KCNMA1: variants seen among roughly 807,000 people sequenced by gnomAD.
KCNMA1 encodes the protein Calcium-activated potassium channel subunit alpha-1.
KCNMA1 carries 29 observed loss-of-function variants against 140.0 expected under a neutral mutation model. That is an observed-to-expected ratio of 0.21 (90% CI 0.15 to 0.28). The LOEUF is 0.28. Ranked by LOEUF, KCNMA1 falls within the 10% of genes least tolerant of loss-of-function variation. The pLI, the probability that KCNMA1 is intolerant of heterozygous loss-of-function variation, is 1.00. For missense variants in KCNMA1, 880 were observed against 1,602.2 expected, an observed-to-expected ratio of 0.55 and a Z score of 7.70; for synonymous variants, 612 against 611.9, an observed-to-expected ratio of 1.00 and a Z score of 0.00.
In KCNMA1 at chr10:77,404,037, G is replaced by C; in HGVS notation, c.379-14C>G. On this transcript the variant is annotated splice_polypyrimidine_tract_variant and intron_variant, in intron 1 of 27. Transcript: ENST00000286628. ...CTTCTGGGCCTCCTGGCAACAGAGAGAGCAAGAGTTAAGACATAGGGAACA... is the reference window on the plus strand; with the variant it reads ...CTTCTGGGCCTCCTGGCAACAGAGACAGCAAGAGTTAAGACATAGGGAACA... 2 of 1,613,618 alleles carry C rather than the reference G, an allele frequency of 1.2e-6. No individual in the cohort carries two copies. Among genetic ancestry groups the C allele is most frequent in the Non-Finnish European group, 1.7e-6 (2 of 1,179,706 alleles).
chr10:77,556,736 C>T (rs893089853), intron 1 of KCNMA1, among the ~76,000 whole-genome samples: 4 of 152,102 alleles, frequency 2.6e-5, no homozygotes, highest in African/African-American at 9.7e-5. Context: ...CAACCAAGTG[C>T]CTGATGCCCA....
At chr10:77,618,740 G>A (rs2090401500) in intron 1 of KCNMA1, among the ~76,000 whole-genome samples, 1 of 152,192 alleles carries the variant, frequency 6.6e-6, no homozygotes, top group South Asian at 2.1e-4. Flanking sequence ...TATGTTCTGT[G>A]ACATCACACT....
At chr10:77,621,796 G>GT (rs1452929249) in intron 1 of KCNMA1, among the ~76,000 whole-genome samples, 1 of 152,144 alleles carries the variant, frequency 6.6e-6, no homozygotes, top group Non-Finnish European at 1.5e-5. Context: ...AGGCATGATG[G>GT]TGCATGCCTG....
chr10:77,247,894 T>G (rs1165301672), intron 3 of KCNMA1, among the ~76,000 whole-genome samples: 1 of 152,118 alleles, frequency 6.6e-6, no homozygotes, highest in Non-Finnish European at 1.5e-5. Flanking sequence ...TTCCAGGAGC[T>G]CTGAGGACAA....
At chr10:77,405,619 A>T (rs1355007584) in intron 1 of KCNMA1, among the ~76,000 whole-genome samples, 3 of 152,192 alleles carry the variant, frequency 2.0e-5, no homozygotes, top group Admixed American at 6.5e-5. Flanking sequence ...AACAATGTAC[A>T]TTTAACTGGA....
chr10:77,411,657 T>C (rs1485467383), intron 1 of KCNMA1, among the ~76,000 whole-genome samples: 1 of 152,016 alleles, frequency 6.6e-6, no homozygotes, highest in African/African-American at 2.4e-5. Context: ...CCACGAAAGG[T>C]TTATTAACAT....
At chr10:77,368,762 T>C (rs368355346) in intron 2 of KCNMA1, among the ~76,000 whole-genome samples, 1 of 152,254 alleles carries the variant, frequency 6.6e-6, no homozygotes, top group Admixed American at 6.5e-5. Flanking sequence ...TGCCCTTGGA[T>C]GTCCAATTGT....
At position 77,403,988 on chromosome 10, in the gene KCNMA1, C is replaced by T. The variant is rs61736948; in HGVS notation, c.414G>A (p.Ala138=). The T allele has an allele frequency of 6.6e-5, 107 of 1,614,148 alleles. 1 individual carries two copies. The African/African-American group carries it at 7.2e-4, about 11-fold the overall frequency. ...AQKINNGSSQ[A]DGTLKPVDEK... ...CATCCACTGGTTTGAGAGTGCCATC[C>T]GCCTGGCTTGAGCCATTGTTAATCT... Residue 138 remains alanine, a synonymous_variant, in exon 2 of 28, where the codon GCG becomes GCA. Coordinates refer to ENST00000286628, the MANE Select transcript of KCNMA1 (RefSeq NM_001161352.2).
downstream of KCNMA1, among the ~76,000 whole-genome samples, chr10:76,880,678 A>C (rs563526906): frequency 6.6e-6 from 1 of 152,366 alleles, no homozygotes; most frequent in East Asian, 1.9e-4. Flanking sequence ...TGATGTATTG[A>C]ATCTTGCCTT....
At chr10:77,309,186 A>C (rs2078614821) in intron 2 of KCNMA1, among the ~76,000 whole-genome samples, 1 of 152,162 alleles carries the variant, frequency 6.6e-6, no homozygotes. Context: ...CTTAAGAAGA[A>C]TTTTTCCATG....
chr10:77,540,919 C>A (rs1052640301), intron 1 of KCNMA1, among the ~76,000 whole-genome samples: 1 of 151,788 alleles, frequency 6.6e-6, no homozygotes, highest in African/African-American at 2.4e-5. Flanking sequence ...GCAGGAGAAT[C>A]GCTTGAACCC....
chr10:77,405,001 C>T (rs980550412), intron 1 of KCNMA1, among the ~76,000 whole-genome samples: 2 of 152,222 alleles, frequency 1.3e-5, no homozygotes, highest in African/African-American at 4.8e-5. Flanking sequence ...GAAATCTACA[C>T]CAGACCTTTC....
chr10:77,101,238 A>G (rs1418523722), intron 9 of KCNMA1, among the ~76,000 whole-genome samples: 2 of 152,142 alleles, frequency 1.3e-5, no homozygotes, highest in African/African-American at 4.8e-5. Context: ...ATGGCATCTA[A>G]TGACAAGCGC....
At chr10:77,021,807 G>A (rs551308803) in intron 16 of KCNMA1, among the ~76,000 whole-genome samples, 1 of 152,298 alleles carries the variant, frequency 6.6e-6, no homozygotes, top group South Asian at 2.1e-4. Flanking sequence ...TAAGGCTAAG[G>A]CAGCCTTCTG....
At chr10:77,567,066 G>T (rs944960263) in intron 1 of KCNMA1, among the ~76,000 whole-genome samples, 1 of 152,124 alleles carries the variant, frequency 6.6e-6, no homozygotes, top group Non-Finnish European at 1.5e-5. Flanking sequence ...CTCAGGCCCT[G>T]GGGGAGCCCT....
intron 15 of KCNMA1, among the ~76,000 whole-genome samples, chr10:77,028,639 A>C (rs2093678789): frequency 6.6e-6 from 1 of 152,042 alleles, no homozygotes; most frequent in Non-Finnish European, 1.5e-5. Flanking sequence ...CTCTCCCAGC[A>C]CCTTGTCTGT....
chr10:77,172,936 C>T (rs189026314), intron 5 of KCNMA1, among the ~76,000 whole-genome samples: 36 of 152,142 alleles, frequency 2.4e-4, no homozygotes, highest in African/African-American at 8.2e-4. Flanking sequence ...AAACAGCCTC[C>T]CAAGGGCTTC....
intron 9 of KCNMA1, among the ~76,000 whole-genome samples, chr10:77,095,350 T>C (rs140556049): frequency 9.8e-5 from 15 of 152,326 alleles, no homozygotes; most frequent in Non-Finnish European, 1.9e-4. Flanking sequence ...AAAATAGATA[T>C]AAGCTGACAG....
chr10:77,195,077 T>A (rs2040007244), intron 3 of KCNMA1, among the ~76,000 whole-genome samples: 1 of 152,134 alleles, frequency 6.6e-6, no homozygotes, highest in Admixed American at 6.6e-5. Flanking sequence ...TGTTGAGGAT[T>A]TTTTTTAAGA....
Sources: gnomAD v4.1 joint callset for allele counts (sites outside exome capture counted in the v4.1 genomes callset) on GRCh38, gnomAD v4.1.1 for gene constraint, MANE v1.5 for transcripts, NCBI Gene and HGNC (gene_info 2026-07-23, HGNC 2026-07-21) for gene names.